GPR180: variants seen among roughly 807,000 people sequenced by gnomAD.
GPR180 encodes the protein integral membrane protein GPR180.
GPR180 carries 53 observed loss-of-function variants against 52.6 expected under a neutral mutation model. That is an observed-to-expected ratio of 1.01 (90% CI 0.81 to 1.27). GPR180 has a LOEUF of 1.27. Among genes scored for constraint, GPR180 ranks in the 50% most tolerant of loss-of-function variants. GPR180 has a pLI of 0.00. For missense variants in GPR180, 533 were observed against 527.0 expected, an observed-to-expected ratio of 1.01 and a Z score of -0.11; for synonymous variants, 200 against 193.1, an observed-to-expected ratio of 1.04 and a Z score of -0.30.
intron 8 of GPR180, 77 bp from the exon 9 acceptor site, chr13:94,626,936 T>C (rs1889936039): frequency 1.8e-6 from 2 of 1,092,772 alleles, no homozygotes; most frequent in South Asian, 1.7e-5. Context: ...AAAAAGCATA[T>C]ATAGATTCAT....
intron 7 of GPR180, among the ~76,000 whole-genome samples, chr13:94,624,581 G>A (rs929279188): frequency 5.3e-5 from 8 of 152,118 alleles, no homozygotes; most frequent in Non-Finnish European, 1.0e-4. Flanking sequence ...TTTTTGAGAC[G>A]GTGTCTCGCT....
intron 3 of GPR180, among the ~76,000 whole-genome samples, chr13:94,616,545 A>G (rs904072196): frequency 5.3e-5 from 8 of 152,186 alleles, no homozygotes; most frequent in African/African-American, 1.2e-4. Context: ...TATTTTGCCA[A>G]TGCTGCTTCC....
intron 7 of GPR180, 28 bp from the exon 8 acceptor site, chr13:94,625,935 TCTA>T: frequency 6.4e-7 from 1 of 1,561,564 alleles, no homozygotes; most frequent in Non-Finnish European, 8.8e-7. Flanking sequence ...GCTACACAGT[TCTA>T]CTTATTTCAC....
At chr13:94,626,105 T>C in intron 8 of GPR180, 62 bp downstream of exon 8, 1 of 1,141,992 alleles carries the variant, frequency 8.8e-7, no homozygotes, top group Non-Finnish European at 1.3e-6. Context: ...ATTGGGAGAA[T>C]ATTTAAATAG....
At position 94,627,129 on chromosome 13, in the gene GPR180, A is replaced by G. The variant is rs745635115; in HGVS notation, c.1281A>G (p.Pro427=). The change falls in exon 9 of 9, where the codon CCA becomes CCG. Residue 427 remains proline, a synonymous_variant. Transcript: ENST00000376958. ...EVSSLSSVTL[P]LTISSGHKSR... ...CTTCACTTTCTTCAGTAACACTACC[A>G]CTGACCATATCATCTGGACACAAAA... is the stretch of plus-strand genomic sequence containing the variant. 3.1e-6 allele frequency: 5 copies of G among 1,612,850 alleles called. No homozygotes were observed. The African/African-American group carries it at 6.7e-5, about 22-fold the overall frequency.
At chr13:94,602,257 C>G (rs1889567206) in intron 1 of GPR180, among the ~76,000 whole-genome samples, 185 bp downstream of exon 1, 1 of 152,226 alleles carries the variant, frequency 6.6e-6, no homozygotes, top group African/African-American at 2.4e-5. Flanking sequence ...TTGCCAACCC[C>G]GCTGGTGCGG....
intron 1 of GPR180, 34 bp from the exon 2 acceptor site, chr13:94,605,357 C>T: frequency 6.2e-7 from 1 of 1,611,018 alleles, no homozygotes; most frequent in Non-Finnish European, 8.5e-7. Context: ...CATGTAAGAC[C>T]AAACTAGTTG....
rs971435256 is a variant in GPR180 at position 94,632,397 on chromosome 13, G to A, written c.*5226G>A. The A allele has an allele frequency of 2.0e-5, 3 of 152,096 alleles. No homozygotes were observed. The highest frequency in any genetic ancestry group is 4.8e-5 in the African/African-American group (2 of 41,412). 9.4% of individuals were successfully genotyped at this position (152,096 alleles called of 1,614,324 possible). A position where few individuals can be genotyped will look rare whatever the true frequency, so the allele number is the denominator to read the frequency against. ...AAACATATATGAAACACAAATTATAGCATAACATACAGACTTTTGCACATT... is the reference window on the plus strand; with the variant it reads ...AAACATATATGAAACACAAATTATAACATAACATACAGACTTTTGCACATT... On this transcript the variant is annotated 3_prime_UTR_variant, in exon 9 of 9. Coordinates refer to ENST00000376958, the MANE Select transcript of GPR180 (RefSeq NM_180989.6).
intron 2 of GPR180, among the ~76,000 whole-genome samples, chr13:94,607,537 G>C (rs1889650541): frequency 6.6e-6 from 1 of 152,188 alleles, no homozygotes; most frequent in Non-Finnish European, 1.5e-5. Flanking sequence ...CGTCGATTAA[G>C]TTAACACCTA....
At position 94,618,420 on chromosome 13, in the gene GPR180, A is replaced by ATTTTTTTTTTTTTTTTTT. The variant is rs570807308; in HGVS notation, c.506-724_506-707dup. Among the ~76,000 whole-genome samples, 418 of 87,090 alleles carry ATTTTTTTTTTTTTTTTTT rather than the reference A, an allele frequency of 4.8e-3. 71 individuals carry two copies. Among genetic ancestry groups the ATTTTTTTTTTTTTTTTTT allele is most frequent in the African/African-American group, 0.013 (209 of 15,830 alleles). 57.1% of individuals were successfully genotyped at this position (87,090 alleles called of 152,430 possible). A position where few individuals can be genotyped will look rare whatever the true frequency, so the allele number is the denominator to read the frequency against. ...CATGGAGTCGCATGATCAGCACAGG[A>ATTTTTTTTTTTTTTTTTT]TTTTTTTTTTTTTTTTTTTTTTTGG... On this transcript the variant is annotated intron_variant, in intron 3 of 8. Transcript: ENST00000376958.
intron 1 of GPR180, 91 bp downstream of exon 1, chr13:94,602,163 A>G (rs1215404892): frequency 5.0e-6 from 6 of 1,188,370 alleles, no homozygotes; most frequent in Non-Finnish European, 6.4e-6. Context: ...CCTCCCTGCC[A>G]CGTTGGGCGA....
intron 3 of GPR180, among the ~76,000 whole-genome samples, chr13:94,617,430 A>G (rs370775773): frequency 6.6e-5 from 10 of 152,250 alleles, no homozygotes; most frequent in African/African-American, 2.4e-4. Flanking sequence ...TTATGTTGCC[A>G]TTATTTCTAA....
chr13:94,616,071 T>A (rs776648192), intron 3 of GPR180, among the ~76,000 whole-genome samples: 1 of 152,224 alleles, frequency 6.6e-6, no homozygotes, highest in Non-Finnish European at 1.5e-5. Flanking sequence ...TTAAGCTAGC[T>A]GCCTCAAGTT....
At position 94,612,291 on chromosome 13, in the gene GPR180, AAGG is replaced by A; in HGVS notation, c.409_411del (p.Glu137del). On this transcript the variant is annotated inframe_deletion, in exon 3 of 9. Coordinates refer to ENST00000376958, the MANE Select transcript of GPR180 (RefSeq NM_180989.6). ...AGACAAGTATACATGCCAAGATGAC[AAGG>A]AGAATTCTCAGGTGGAAGATATCCC... The A allele has an allele frequency of 6.2e-7, 1 of 1,613,882 alleles. No homozygotes were observed. Among genetic ancestry groups the A allele is most frequent in the Non-Finnish European group, 8.5e-7 (1 of 1,179,752 alleles).
rs976640998 is a variant in GPR180 at position 94,633,677 on chromosome 13, CTT to C, written c.*6510_*6511del. 1.0e-4 allele frequency: 15 copies of C among 150,442 alleles called. No individual in the cohort carries two copies. Among genetic ancestry groups the C allele is most frequent in the African/African-American group, 3.7e-4 (15 of 40,934 alleles). 9.3% of individuals were successfully genotyped at this position (150,442 alleles called of 1,614,324 possible). ...TTTCTCTTTACTTTTTTAATGGTGT[CTT>C]TTTCTTGTAGTTTTTTTAATGCAGG... On this transcript the variant is annotated 3_prime_UTR_variant, in exon 9 of 9. Coordinates refer to ENST00000376958, the MANE Select transcript of GPR180 (RefSeq NM_180989.6).
chr13:94,613,573 G>A (rs191284024), intron 3 of GPR180, among the ~76,000 whole-genome samples: 2,257 of 151,436 alleles, frequency 0.015, 28 homozygotes, highest in Non-Finnish European at 0.025. Flanking sequence ...GGCGTGAGCC[G>A]CTGCACTTGG....
At chr13:94,622,479 A>C (rs1235234730) in intron 6 of GPR180, among the ~76,000 whole-genome samples, 1 of 152,246 alleles carries the variant, frequency 6.6e-6, no homozygotes, top group Non-Finnish European at 1.5e-5. Flanking sequence ...TCAGACAGGC[A>C]GTCAGAGACT....
At chr13:94,605,604 T>C in intron 2 of GPR180, 55 bp downstream of exon 2, 1 of 1,447,494 alleles carries the variant, frequency 6.9e-7, no homozygotes, top group Non-Finnish European at 9.6e-7. Flanking sequence ...CCTCCTAATG[T>C]TGAAATATAG....
At chr13:94,616,442 C>T (rs906458467) in intron 3 of GPR180, among the ~76,000 whole-genome samples, 2 of 152,184 alleles carry the variant, frequency 1.3e-5, no homozygotes, top group African/African-American at 4.8e-5. Flanking sequence ...AACCCAAGGA[C>T]CCTTTCCCCT....
Sources: gnomAD v4.1 joint callset for allele counts (sites outside exome capture counted in the v4.1 genomes callset) on GRCh38, gnomAD v4.1.1 for gene constraint, MANE v1.5 for transcripts, NCBI Gene and HGNC (gene_info 2026-07-23, HGNC 2026-07-21) for gene names.